TBC1D12: variants seen among roughly 807,000 people sequenced by gnomAD.
The protein encoded by TBC1D12 is TBC1 domain family member 12.
Under a neutral mutation model 86.7 loss-of-function variants are expected in TBC1D12, and 56 were observed. That is an observed-to-expected ratio of 0.65 (90% CI 0.52 to 0.81). The LOEUF is 0.81. Ranked by LOEUF, TBC1D12 falls within the 30% of genes least tolerant of loss-of-function variation. TBC1D12 has a pLI of 0.00. For missense variants in TBC1D12, 1,023 were observed against 1,038.8 expected (o/e 0.98, Z 0.21); for synonymous variants, 421 against 411.7 (o/e 1.02, Z -0.27).
At chr10:94,464,493 T>C (rs2055777425) in intron 2 of TBC1D12, among the ~76,000 whole-genome samples, 1 of 152,232 alleles carries the variant, frequency 6.6e-6, no homozygotes, top group African/African-American at 2.4e-5. Context: ...TGAGACAAAG[T>C]CTGGCTCTAT....
rs1457856014 is a variant in TBC1D12 at position 94,465,289 on chromosome 10, C to CA, written c.1096-9373dup. Among the ~76,000 whole-genome samples the CA allele has an allele frequency of 4.0e-5, 6 of 150,656 alleles. No individual in the cohort carries two copies. In the South Asian group the frequency reaches 1.1e-3, roughly 28 times the overall value. On this transcript the variant is annotated intron_variant, in intron 2 of 12. Transcript: ENST00000225235. ...GTTACAGCATTGCATTATAAAATAT[C>CA]AAAAAACGACAGTATTATCACCACT...
At chr10:94,499,476 G>A (rs2056367403) in intron 5 of TBC1D12, among the ~76,000 whole-genome samples, 1 of 152,136 alleles carries the variant, frequency 6.6e-6, no homozygotes, top group African/African-American at 2.4e-5. Context: ...CTGTGTTGTT[G>A]CAAATGACAG....
intron 7 of TBC1D12, 60 bp from the exon 8 acceptor site, chr10:94,510,031 T>C (rs1483026529): frequency 3.3e-6 from 4 of 1,199,782 alleles, no homozygotes; most frequent in Non-Finnish European, 4.9e-6. Context: ...TCTGTATTTA[T>C]AAAATTGGAC....
intron 1 of TBC1D12, 148 bp downstream of exon 1, chr10:94,403,732 C>T: frequency 9.8e-7 from 1 of 1,019,456 alleles, no homozygotes; most frequent in Admixed American, 4.0e-5. Flanking sequence ...CAGGACTTAG[C>T]TTTGATTTGT....
intron 9 of TBC1D12, among the ~76,000 whole-genome samples, chr10:94,516,188 C>A (rs12573638): frequency 0.36 from 55,158 of 151,942 alleles, 10,627 homozygotes; most frequent in East Asian, 0.7. Flanking sequence ...GCCCAAAAGT[C>A]TTTTAGTAAT....
chr10:94,480,649 C>G (rs1160092157), intron 3 of TBC1D12, among the ~76,000 whole-genome samples: 1 of 151,396 alleles, frequency 6.6e-6, no homozygotes, highest in African/African-American at 2.4e-5. Context: ...GACTGCAGTT[C>G]AAGACCAGCC....
intron 1 of TBC1D12, 68 bp from the exon 2 acceptor site, chr10:94,441,828 A>G (rs1278682421): frequency 2.6e-6 from 4 of 1,516,936 alleles, no homozygotes; most frequent in Non-Finnish European, 3.6e-6. Context: ...CAAACTTATT[A>G]TAAAATTACT....
At chr10:94,424,976 G>A (rs922378117) in intron 1 of TBC1D12, among the ~76,000 whole-genome samples, 2 of 152,216 alleles carry the variant, frequency 1.3e-5, no homozygotes, top group Non-Finnish European at 2.9e-5. Flanking sequence ...GGTCCACCTT[G>A]AGGAAATGGG....
chr10:94,488,798 A>G (rs2134169681), intron 3 of TBC1D12, among the ~76,000 whole-genome samples: 1 of 152,194 alleles, frequency 6.6e-6, no homozygotes, highest in Non-Finnish European at 1.5e-5. Flanking sequence ...AATGTCATCC[A>G]GGAGCTAGGA....
chr10:94,425,134 A>G (rs1038302156), intron 1 of TBC1D12, among the ~76,000 whole-genome samples: 1 of 152,218 alleles, frequency 6.6e-6, no homozygotes, highest in Non-Finnish European at 1.5e-5. Context: ...CTCCTCTGGC[A>G]CTACCTCTGG....
intron 1 of TBC1D12, among the ~76,000 whole-genome samples, chr10:94,430,568 G>T (rs1258433518): frequency 6.6e-6 from 1 of 152,198 alleles, no homozygotes; most frequent in South Asian, 2.1e-4. Flanking sequence ...TAGGCAAATG[G>T]TCTGACTCTT....
chr10:94,469,429 A>ATGCTG (rs2055870749), intron 2 of TBC1D12, among the ~76,000 whole-genome samples: 2 of 148,042 alleles, frequency 1.4e-5, no homozygotes, highest in East Asian at 4.1e-4. Context: ...CTGCTATGCT[A>ATGCTG]GTTTCTGGAG....
Position 94,403,187 on chromosome 10 carries a change from GC to G in TBC1D12, c.576del (p.Ser193LeufsTer87). The G allele has an allele frequency of 6.7e-7, 1 of 1,495,052 alleles. No homozygotes were observed. The highest frequency in any genetic ancestry group is 8.9e-7 in the Non-Finnish European group (1 of 1,125,470). The allele number at this position is 1,495,052 out of a possible 1,614,324, so 92.6% of individuals were successfully genotyped here. On this transcript the variant is annotated frameshift_variant, in exon 1 of 13. Transcript: ENST00000225235. LOFTEE classifies it high-confidence loss of function. ...CGGCGCGGGAAGCCCGTCCGATTGG[GC>G]CTCTCCGCTTGAGGACCCGCTGCGG... is the stretch of plus-strand genomic sequence containing the variant. ...ADGAGSPSDW[A>X]SPLEDPLRSC...
At chr10:94,460,141 A>G (rs1296479700) in intron 2 of TBC1D12, among the ~76,000 whole-genome samples, 1 of 152,192 alleles carries the variant, frequency 6.6e-6, no homozygotes, top group African/African-American at 2.4e-5. Flanking sequence ...CTGAGGCAGG[A>G]GAATCGCTTG....
intron 6 of TBC1D12, 50 bp from the exon 7 acceptor site, chr10:94,507,217 A>G (rs1281527679): frequency 6.4e-7 from 1 of 1,555,490 alleles, no homozygotes; most frequent in Non-Finnish European, 8.8e-7. Flanking sequence ...ATTTGCAAAT[A>G]TATTTCTTTC....
At chr10:94,527,511 T>A (rs61075237) in intron 11 of TBC1D12, among the ~76,000 whole-genome samples, 4,448 of 149,688 alleles carry the variant, frequency 0.03, 223 homozygotes, top group African/African-American at 0.1. Flanking sequence ...TTTTTTTTTT[T>A]ATGCTATTGA....
In TBC1D12 at chr10:94,403,133, C is replaced by A; in HGVS notation, c.520C>A (p.Leu174Met). The A allele has an allele frequency of 2.1e-6, 3 of 1,398,674 alleles. No individual in the cohort carries two copies. Among genetic ancestry groups the A allele is most frequent in the Non-Finnish European group, 2.8e-6 (3 of 1,082,882 alleles). 86.6% of individuals were successfully genotyped at this position (1,398,674 alleles called of 1,614,324 possible). ...CCGCCGCCCCTACGGCCGCCTTCGC[C>A]TGGAGGGGCCTGGCGACGAGGACGC... ...RRRRPYGRLR[L>M]EGPGDEDADG... Residue 174 changes from leucine (L) to methionine (M), a missense_variant, in exon 1 of 13, where the codon CTG (leucine) becomes ATG (methionine). Coordinates refer to ENST00000225235, the MANE Select transcript of TBC1D12 (RefSeq NM_015188.2).
intron 2 of TBC1D12, among the ~76,000 whole-genome samples, chr10:94,473,328 C>G (rs1263235978): frequency 2.0e-5 from 3 of 150,516 alleles, no homozygotes; most frequent in African/African-American, 7.3e-5. Context: ...CCACTGCACT[C>G]CAGCCTGGGC....
chr10:94,511,447 T>C (rs1010585709), intron 8 of TBC1D12, 136 bp from the exon 9 acceptor site: 5 of 657,770 alleles, frequency 7.6e-6, no homozygotes, highest in Non-Finnish European at 1.3e-5. Context: ...CTTGGCAGAG[T>C]ACATTTATAA....
Sources: gnomAD v4.1 joint callset for allele counts (sites outside exome capture counted in the v4.1 genomes callset) on GRCh38, gnomAD v4.1.1 for gene constraint, MANE v1.5 for transcripts, NCBI Gene and HGNC (gene_info 2026-07-23, HGNC 2026-07-21) for gene names.